JMJD1C: variants seen among roughly 807,000 people sequenced by gnomAD.
JMJD1C encodes the protein jumonji domain containing 1C, also known as jumonji domain-containing protein 1C.
A neutral mutation model predicts 245.3 loss-of-function variants in JMJD1C; 31 were observed. The ratio of observed to expected loss-of-function variants is 0.13; its 90% CI spans 0.09 to 0.17. The LOEUF (loss-of-function observed/expected upper bound fraction) is 0.17. Among genes scored for constraint, JMJD1C ranks in the 10% least tolerant of loss-of-function variants. The pLI is 1.00. For synonymous variants in JMJD1C, 1,057 were observed against 1,017.4 expected, an observed-to-expected ratio of 1.04 and a Z score of -0.74; for missense variants, 2,691 against 3,000.2, an observed-to-expected ratio of 0.90 and a Z score of 2.41.
intron 2 of JMJD1C, among the ~76,000 whole-genome samples, chr10:63,297,122 GT>G (rs1040684664): frequency 3.9e-4 from 60 of 152,278 alleles, no homozygotes; most frequent in African/African-American, 1.4e-3. Context: ...ACAGCGAAGT[GT>G]TTATTTAAAA....
At chr10:63,414,609 C>T (rs1308838411) in intron 1 of JMJD1C, among the ~76,000 whole-genome samples, 1 of 151,922 alleles carries the variant, frequency 6.6e-6, no homozygotes, top group Non-Finnish European at 1.5e-5. Context: ...TATTCTGCTC[C>T]GGGCACAGTA....
At chr10:63,493,019 G>T (rs888309232) in intron 1 of JMJD1C, among the ~76,000 whole-genome samples, 1 of 152,102 alleles carries the variant, frequency 6.6e-6, no homozygotes, top group Non-Finnish European at 1.5e-5. Flanking sequence ...GGGAGAAATA[G>T]AAGGATGATT....
At chr10:63,193,827 C>T (rs575618532) in intron 14 of JMJD1C, among the ~76,000 whole-genome samples, 57 of 152,144 alleles carry the variant, frequency 3.7e-4, no homozygotes, top group African/African-American at 1.3e-3. Flanking sequence ...CCACCACGCC[C>T]GGCTAATTTT....
intron 11 of JMJD1C, among the ~76,000 whole-genome samples, chr10:63,199,784 C>A (rs1027452259): frequency 6.6e-6 from 1 of 152,148 alleles, no homozygotes; most frequent in South Asian, 2.1e-4. Flanking sequence ...GAGGTCTATA[C>A]TGGGCTACCA....
At chr10:63,218,921 A>G (rs1231562202) in intron 4 of JMJD1C, among the ~76,000 whole-genome samples, 1 of 152,146 alleles carries the variant, frequency 6.6e-6, no homozygotes, top group Non-Finnish European at 1.5e-5. Context: ...AAATTTAAAA[A>G]CAATTACTTT....
At chr10:63,177,953 A>G in intron 22 of JMJD1C, 97 bp from the exon 23 acceptor site, 1 of 1,287,542 alleles carries the variant, frequency 7.8e-7, no homozygotes, top group Non-Finnish European at 1.1e-6. Flanking sequence ...GTGCCTGACT[A>G]GGATCAGTAC....
In JMJD1C at chr10:63,372,915, A is replaced by T. The variant is rs1448262590; in HGVS notation, c.333+7403T>A. 2.9e-5 allele frequency: 5 copies of T among 173,056 alleles called. No homozygotes were observed. The Admixed American group carries it at 3.1e-4, about 11-fold the overall frequency. 10.7% of individuals were successfully genotyped at this position (173,056 alleles called of 1,614,324 possible). A position where few individuals can be genotyped will look rare whatever the true frequency, so the allele number is the denominator to read the frequency against. ...GATCTGGAAGGCTGGGCCAGCGGAA[A>T]AGTAGTAGAAAACTCTGCCCCTTAG... On this transcript the variant is annotated intron_variant, in intron 2 of 25. Coordinates refer to ENST00000399262, the MANE Select transcript of JMJD1C (RefSeq NM_032776.3).
chr10:63,265,584 T>C (rs1855466691), intron 2 of JMJD1C, among the ~76,000 whole-genome samples: 1 of 152,146 alleles, frequency 6.6e-6, no homozygotes, highest in Admixed American at 6.6e-5. Context: ...TCAAAGTAGA[T>C]GAAGATTAAA....
chr10:63,458,131 T>C (rs887145311), intron 1 of JMJD1C, among the ~76,000 whole-genome samples: 1 of 152,220 alleles, frequency 6.6e-6, no homozygotes, highest in Non-Finnish European at 1.5e-5. Flanking sequence ...AGACCAGTTG[T>C]AAAACTAAAA....
intron 3 of JMJD1C, among the ~76,000 whole-genome samples, chr10:63,227,977 AAATATAT>A (rs1849507809): frequency 6.6e-6 from 1 of 152,222 alleles, no homozygotes; most frequent in Non-Finnish European, 1.5e-5. Flanking sequence ...CTGGGACAAG[AAATATAT>A]AAAGTTTGAA....
At chr10:63,315,492 T>C (rs1036588411) in intron 2 of JMJD1C, among the ~76,000 whole-genome samples, 6 of 152,136 alleles carry the variant, frequency 3.9e-5, no homozygotes, top group Non-Finnish European at 7.4e-5. Context: ...ATCCACTCAG[T>C]TTTTATTTGC....
At chr10:63,189,121 A>T in intron 18 of JMJD1C, 47 bp downstream of exon 18, 1 of 1,492,620 alleles carries the variant, frequency 6.7e-7, no homozygotes, top group Non-Finnish European at 9.0e-7. Flanking sequence ...CTATTTAATA[A>T]GCTTCAGTTC....
intron 11 of JMJD1C, among the ~76,000 whole-genome samples, chr10:63,199,595 T>G (rs1463905172): frequency 2.0e-5 from 3 of 152,166 alleles, no homozygotes; most frequent in African/African-American, 7.2e-5. Flanking sequence ...AGACTTTTCC[T>G]AGATTTTCTT....
At chr10:63,188,373 C>A (rs1844377634) in intron 18 of JMJD1C, among the ~76,000 whole-genome samples, 1 of 152,074 alleles carries the variant, frequency 6.6e-6, no homozygotes, top group Admixed American at 6.6e-5. Flanking sequence ...CAGCTTTCAT[C>A]AGATTTTGAA....
intron 2 of JMJD1C, among the ~76,000 whole-genome samples, chr10:63,289,163 G>T (rs1286803362): frequency 6.6e-6 from 1 of 151,896 alleles, no homozygotes; most frequent in Non-Finnish European, 1.5e-5. Context: ...AATTAGGGTA[G>T]TTTTCTACAC....
intron 2 of JMJD1C, among the ~76,000 whole-genome samples, chr10:63,377,757 A>G (rs1946866695): frequency 6.6e-6 from 1 of 151,898 alleles, no homozygotes; most frequent in Non-Finnish European, 1.5e-5. Context: ...TTAGCTAGGC[A>G]TAGTGGCACA....
At chr10:63,304,033 C>T (rs1447439019) in intron 2 of JMJD1C, among the ~76,000 whole-genome samples, 1 of 151,888 alleles carries the variant, frequency 6.6e-6, no homozygotes, top group Non-Finnish European at 1.5e-5. Flanking sequence ...ACTAATCTTA[C>T]TCTACCTTGA....
At chr10:63,479,551 A>G (rs887174985) in intron 1 of JMJD1C, among the ~76,000 whole-genome samples, 2 of 152,206 alleles carry the variant, frequency 1.3e-5, no homozygotes, top group African/African-American at 4.8e-5. Flanking sequence ...CATCTGATTG[A>G]TAAGTCTCTT....
chr10:63,277,237 C>T (rs903549186), intron 2 of JMJD1C, among the ~76,000 whole-genome samples: 2 of 149,374 alleles, frequency 1.3e-5, no homozygotes, highest in South Asian at 2.2e-4. Flanking sequence ...AGGTTGGCCT[C>T]GAATGTGTAG....
Sources: gnomAD v4.1 joint callset for allele counts (sites outside exome capture counted in the v4.1 genomes callset) on GRCh38, gnomAD v4.1.1 for gene constraint, MANE v1.5 for transcripts, NCBI Gene and HGNC (gene_info 2026-07-23, HGNC 2026-07-21) for gene names.